The following SWAP70 variants were observed in gnomAD, a reference collection of about 807,000 sequenced individuals.
SWAP70 encodes switch-associated protein 70.
Under a neutral mutation model 80.2 loss-of-function variants are expected in SWAP70, and 34 were observed. The observed-to-expected ratio is 0.42, with a 90% CI of 0.32 to 0.56. The LOEUF (loss-of-function observed/expected upper bound fraction) is 0.56. SWAP70 is among the 20% of genes least tolerant of loss of function. The pLI is 0.09. For synonymous variants in SWAP70, 239 were observed against 238.5 expected (o/e 1.00, Z -0.02); for missense variants, 578 against 690.7 (o/e 0.84, Z 1.83).
At position 9,694,179 on chromosome 11, in the gene SWAP70, G is replaced by A; in HGVS notation, c.133G>A (p.Val45Ile). 6 of 1,612,588 alleles carry A rather than the reference G, an allele frequency of 3.7e-6. No homozygotes were observed. Among genetic ancestry groups the A allele is most frequent in the Non-Finnish European group, 5.1e-6 (6 of 1,179,448 alleles). ...LSHNLCTVLK[V>I]PHDPVALEEH... is the part of the protein sequence containing the mutation. ...CCATAACCTGTGCACGGTGCTGAAG[G>A]TTCCTCATGACCCAGTTGCCCTTGA... Residue 45 changes from valine to isoleucine, a missense_variant, in exon 2 of 12, where the codon GTT becomes ATT. Coordinates refer to ENST00000318950, the MANE Select transcript of SWAP70 (RefSeq NM_015055.4).
intron 9 of SWAP70, among the ~76,000 whole-genome samples, chr11:9,743,744 G>A (rs958838766): frequency 1.3e-5 from 2 of 151,950 alleles, no homozygotes; most frequent in East Asian, 1.9e-4. Flanking sequence ...TTTTGATGGG[G>A]TTGTTTCTTT....
intron 5 of SWAP70, among the ~76,000 whole-genome samples, chr11:9,728,545 A>C (rs938389205): frequency 1.3e-5 from 2 of 152,250 alleles, no homozygotes; most frequent in African/African-American, 4.8e-5. Context: ...ATTTGGAATA[A>C]AGAATATGCC....
At chr11:9,698,101 T>G (rs1267673707) in intron 2 of SWAP70, among the ~76,000 whole-genome samples, 1 of 107,318 alleles carries the variant, frequency 9.3e-6, no homozygotes, top group African/African-American at 5.6e-5. Flanking sequence ...ATGTTTTTTG[T>G]TTTTTTTTTT....
rs770760196 is a variant in SWAP70, at chr11:9,713,690, A to G, written c.414+51A>G. On this transcript the variant is annotated intron_variant, in intron 3 of 11. Coordinates refer to ENST00000318950, the MANE Select transcript of SWAP70 (RefSeq NM_015055.4). ...ACTTGGTCATTTTAGCATTTAATAG[A>G]CCTGGCTTGGTATTTTTTCTGTTAA... 4.5e-6 allele frequency: 7 copies of G among 1,552,070 alleles called. 1 individual carries two copies. The South Asian group carries it at 8.6e-5, about 19-fold the overall frequency.
chr11:9,671,774 TATA>T (rs1232273088), intron 1 of SWAP70, among the ~76,000 whole-genome samples: 6 of 2,284 alleles, frequency 2.6e-3, no homozygotes, highest in Non-Finnish European at 5.2e-3. Flanking sequence ...ATAATATAAA[TATA>T]ATATATTATT....
chr11:9,721,870 T>G (rs1361492007), intron 3 of SWAP70, among the ~76,000 whole-genome samples: 2 of 152,202 alleles, frequency 1.3e-5, no homozygotes, highest in African/African-American at 4.8e-5. Context: ...ACAAAAAACA[T>G]TATAACCAAA....
chr11:9,707,049 C>A (rs1850924719), intron 2 of SWAP70, among the ~76,000 whole-genome samples: 1 of 151,826 alleles, frequency 6.6e-6, no homozygotes, highest in Non-Finnish European at 1.5e-5. Flanking sequence ...TTCCGGAAAC[C>A]CAAGATTGAA....
At chr11:9,711,507 C>A (rs908677622) in intron 2 of SWAP70, among the ~76,000 whole-genome samples, 2 of 152,148 alleles carry the variant, frequency 1.3e-5, no homozygotes, top group Non-Finnish European at 2.9e-5. Context: ...ACCTCAAAAT[C>A]TGGAAAGTTC....
chr11:9,729,024 T>C (rs1043405213), intron 5 of SWAP70, among the ~76,000 whole-genome samples: 1 of 152,322 alleles, frequency 6.6e-6, no homozygotes, highest in Admixed American at 6.5e-5. Flanking sequence ...TTAATACCTC[T>C]TGTAACATCA....
At chr11:9,679,717 G>A (rs904830276) in intron 1 of SWAP70, among the ~76,000 whole-genome samples, 2 of 152,210 alleles carry the variant, frequency 1.3e-5, no homozygotes, top group South Asian at 2.1e-4. Flanking sequence ...TGCCCAGGCT[G>A]GAGTGTGGTG....
intron 2 of SWAP70, among the ~76,000 whole-genome samples, chr11:9,711,345 C>A (rs1490456854): frequency 6.6e-6 from 1 of 152,164 alleles, no homozygotes; most frequent in Non-Finnish European, 1.5e-5. Flanking sequence ...ACCTACCTCA[C>A]TGGCTTGTCT....
chr11:9,714,578 T>C (rs1851040583), intron 3 of SWAP70, among the ~76,000 whole-genome samples: 1 of 152,132 alleles, frequency 6.6e-6, no homozygotes. Context: ...CAAGGCAAAG[T>C]TGCCCTTCAG....
chr11:9,747,906 C>T lies in SWAP70; in HGVS notation c.1404C>T (p.His468=), dbSNP rs762338219. ...SSKRAELEKW[H]LEQQQAIQTT... ...AGAGGGCTGAACTAGAAAAGTGGCA[C>T]TTGGAGCAGCAGCAGGCCATTCAGA... Residue 468 remains histidine (H), a synonymous_variant, in exon 10 of 12, where the codon CAC becomes CAT. Transcript: ENST00000318950. The T allele has an allele frequency of 6.2e-7, 1 of 1,614,138 alleles. No individual in the cohort carries two copies.
In SWAP70 at chr11:9,750,037, C is replaced by G; in HGVS notation, c.*67C>G. On this transcript the variant is annotated 3_prime_UTR_variant, in exon 12 of 12. Transcript: ENST00000318950. ...TGGCAGGAGAGCTTTACGCTAAAGA[C>G]AAAAGAAACAGCTTTGGGGGCCGGG... 8.6e-7 allele frequency: 1 copy of G among 1,164,836 alleles called. No homozygotes were observed. Among genetic ancestry groups the G allele is most frequent in the South Asian group, 1.3e-5 (1 of 79,614 alleles). 72.2% of individuals were successfully genotyped at this position (1,164,836 alleles called of 1,614,324 possible).
At chr11:9,720,213 A>G (rs924122862) in intron 3 of SWAP70, 25 of 985,286 alleles carry the variant, frequency 2.5e-5, no homozygotes, top group Non-Finnish European at 3.0e-5. Flanking sequence ...TATGATACGT[A>G]TATGATTGTG....
At chr11:9,721,201 T>C (rs1851130952) in intron 3 of SWAP70, among the ~76,000 whole-genome samples, 1 of 152,190 alleles carries the variant, frequency 6.6e-6, no homozygotes, top group African/African-American at 2.4e-5. Flanking sequence ...CTTAACATTT[T>C]CTTTTTTTCT....
chr11:9,688,840 A>G (rs576695734), intron 1 of SWAP70, among the ~76,000 whole-genome samples: 2 of 152,230 alleles, frequency 1.3e-5, no homozygotes, highest in South Asian at 4.1e-4. Flanking sequence ...GGAAGGGGAA[A>G]ATGAGTCCAT....
intron 2 of SWAP70, among the ~76,000 whole-genome samples, chr11:9,696,730 T>C (rs1428571778): frequency 1.2e-4 from 19 of 152,322 alleles, no homozygotes; most frequent in South Asian, 8.3e-4. Flanking sequence ...AAGTAATCAT[T>C]TATATCAAAA....
chr11:9,688,724 G>A (rs534667180), intron 1 of SWAP70, among the ~76,000 whole-genome samples: 85 of 152,232 alleles, frequency 5.6e-4, no homozygotes, highest in African/African-American at 2.0e-3. Context: ...CTTAGGGATT[G>A]AGAGCAATGT....
Sources: allele counts gnomAD v4.1 joint callset (sites outside exome capture counted in the v4.1 genomes callset), GRCh38; gene constraint gnomAD v4.1.1; transcripts MANE v1.5; gene names NCBI Gene and HGNC (gene_info 2026-07-23, HGNC 2026-07-21).